Variants in RSBN1L observed in about 807,000 individuals in gnomAD.
RSBN1L encodes the protein round spermatid basic protein 1 like.
RSBN1L carries 30 observed loss-of-function variants against 67.7 expected under a neutral mutation model. The observed-to-expected ratio is 0.44, with a 90% confidence interval of 0.33 to 0.60. The LOEUF is 0.60. RSBN1L is among the 20% of genes least tolerant of loss of function. RSBN1L has a pLI of 0.02. For synonymous variants in RSBN1L, 433 were observed against 387.0 expected, an observed-to-expected ratio of 1.12 and a Z score of -1.39; for missense variants, 992 against 1,031.7, an observed-to-expected ratio of 0.96 and a Z score of 0.53.
At chr7:77,748,308 G>C (rs921264468) in intron 2 of RSBN1L, among the ~76,000 whole-genome samples, 4 of 152,168 alleles carry the variant, frequency 2.6e-5, no homozygotes, top group Non-Finnish European at 1.5e-5. Flanking sequence ...GGATGAGCTG[G>C]ATAATTCTGT....
intron 3 of RSBN1L, among the ~76,000 whole-genome samples, chr7:77,764,158 CTT>C (rs1203915411): frequency 2.0e-5 from 3 of 152,266 alleles, no homozygotes; most frequent in African/African-American, 7.2e-5. Context: ...AAATACAAGA[CTT>C]TCAGTTTTAA....
chr7:77,698,580 G>A (rs1790772021), intron 1 of RSBN1L, among the ~76,000 whole-genome samples: 1 of 152,110 alleles, frequency 6.6e-6, no homozygotes, highest in Admixed American at 6.6e-5. Context: ...CTTAAAATGT[G>A]GAGTACACAA....
At position 77,779,441 on chromosome 7, in the gene RSBN1L, A is replaced by G. The variant is rs1791965163; in HGVS notation, c.*273A>G. The stretch of plus-strand genomic sequence containing the variant: ...TAGGTTTTAGAATAGAGCTGACATT[A>G]ACATATATATATATATATAAATATA... On this transcript the variant is annotated 3_prime_UTR_variant, in exon 8 of 8. Coordinates refer to ENST00000334955, the MANE Select transcript of RSBN1L (RefSeq NM_198467.3). 9.9e-6 allele frequency: 1 copy of G among 101,278 alleles called. No individual in the cohort carries two copies. 6.3% of individuals were successfully genotyped at this position (101,278 alleles called of 1,614,324 possible).
intron 1 of RSBN1L, among the ~76,000 whole-genome samples, chr7:77,714,101 C>G (rs1791012397): frequency 6.6e-6 from 1 of 152,024 alleles, no homozygotes; most frequent in Admixed American, 6.6e-5. Context: ...TTACATTTAC[C>G]TCTGTAAGTT....
At chr7:77,757,177 T>C (rs2150428472) in intron 3 of RSBN1L, among the ~76,000 whole-genome samples, 1 of 152,368 alleles carries the variant, frequency 6.6e-6, no homozygotes, top group South Asian at 2.1e-4. Flanking sequence ...TGTAATAGTA[T>C]CTTGTAGCTT....
rs1790731699 is a variant in RSBN1L, at chr7:77,696,671, C to G, written c.202C>G (p.Gln68Glu). 2 of 1,610,952 alleles carry G rather than the reference C, an allele frequency of 1.2e-6. No homozygotes were observed. Among genetic ancestry groups the G allele is most frequent in the Non-Finnish European group, 1.7e-6 (2 of 1,178,944 alleles). ...GEGGSGGNSR[Q>E]LQPPAAPSPQ... ...AGGGGGCAGCGGCGGGAACAGCAGG[C>G]AGCTGCAGCCGCCGGCAGCACCTTC... The change falls in exon 1 of 8, where the codon CAG (glutamine) becomes GAG (glutamate). Residue 68 changes from glutamine to glutamate, a missense_variant. Coordinates refer to ENST00000334955, the MANE Select transcript of RSBN1L (RefSeq NM_198467.3).
chr7:77,774,771 CTTGCTTAGATTT>C (rs1791890593), intron 6 of RSBN1L, among the ~76,000 whole-genome samples: 1 of 152,058 alleles, frequency 6.6e-6, no homozygotes, highest in Non-Finnish European at 1.5e-5. Context: ...GATAATTTTG[CTTGCTTAGATTT>C]TTGTTTTCCA....
At chr7:77,773,397 A>T (rs1205553056) in intron 6 of RSBN1L, 83 bp downstream of exon 6, 2 of 1,004,740 alleles carry the variant, frequency 2.0e-6, no homozygotes, top group Non-Finnish European at 2.8e-6. Context: ...ATTCCTCCTT[A>T]CTGTGGGAAA....
chr7:77,726,336 T>C (rs1791202912), intron 1 of RSBN1L, among the ~76,000 whole-genome samples: 2 of 152,172 alleles, frequency 1.3e-5, no homozygotes, highest in Admixed American at 6.5e-5. Flanking sequence ...GTTAGATTCC[T>C]TTTGGCTGAG....
At chr7:77,703,974 A>T (rs2150411515) in intron 1 of RSBN1L, among the ~76,000 whole-genome samples, 1 of 152,264 alleles carries the variant, frequency 6.6e-6, no homozygotes, top group South Asian at 2.1e-4. Context: ...TTTTGAGCTG[A>T]TATACATCCG....
chr7:77,739,831 A>G, intron 2 of RSBN1L, among the ~76,000 whole-genome samples: 1 of 126,026 alleles, frequency 7.9e-6, no homozygotes, highest in African/African-American at 3.1e-5. Flanking sequence ...CTCACTGCAA[A>G]CTCTGCCTCC....
intron 1 of RSBN1L, among the ~76,000 whole-genome samples, chr7:77,730,228 C>A (rs117563547): frequency 0.018 from 2,787 of 152,096 alleles, 38 homozygotes; most frequent in Middle Eastern, 0.071. Flanking sequence ...CTTATTTATG[C>A]CTTAAAAAGT....
intron 1 of RSBN1L, 187 bp downstream of exon 1, chr7:77,697,242 C>T: frequency 1.9e-6 from 1 of 521,616 alleles, no homozygotes; most frequent in African/African-American, 2.0e-5. Context: ...CCTGTAATTT[C>T]GGTTGCAGAG....
chr7:77,750,296 G>GT (rs36054297), intron 3 of RSBN1L, among the ~76,000 whole-genome samples: 2,534 of 57,380 alleles, frequency 0.044, 231 homozygotes, highest in East Asian at 0.059. Context: ...AAGATTCTGT[G>GT]TTTTTTTTTT....
chr7:77,747,410 T>C (rs948185894), intron 2 of RSBN1L, among the ~76,000 whole-genome samples: 1 of 152,166 alleles, frequency 6.6e-6, no homozygotes, highest in Admixed American at 6.5e-5. Context: ...GACTGAGTGG[T>C]TTCCTGGGCC....
chr7:77,752,176 G>A (rs1791564174), intron 3 of RSBN1L, among the ~76,000 whole-genome samples: 1 of 152,138 alleles, frequency 6.6e-6, no homozygotes, highest in Admixed American at 6.6e-5. Context: ...ACCTCCTCTG[G>A]TTGTCACCAT....
chr7:77,707,022 ATTTTTTTTTTT>A (rs1034017450), intron 1 of RSBN1L, among the ~76,000 whole-genome samples: 2 of 137,674 alleles, frequency 1.5e-5, no homozygotes, highest in African/African-American at 5.4e-5. Context: ...ATTAAACTAG[ATTTTTTTTTTT>A]TTTTTTTTGA....
chr7:77,763,586 C>CT (rs761153240), intron 3 of RSBN1L, among the ~76,000 whole-genome samples: 2 of 152,154 alleles, frequency 1.3e-5, no homozygotes, highest in East Asian at 3.8e-4. Context: ...TAGAGTTAGG[C>CT]TTTAACTGTT....
chr7:77,751,109 G>T (rs967621003), intron 3 of RSBN1L, among the ~76,000 whole-genome samples: 1 of 151,922 alleles, frequency 6.6e-6, no homozygotes, highest in Non-Finnish European at 1.5e-5. Context: ...TATGTTTGGT[G>T]TATATTCTGT....
Sources: allele counts gnomAD v4.1 joint callset (sites outside exome capture counted in the v4.1 genomes callset), GRCh38; gene constraint gnomAD v4.1.1; transcripts MANE v1.5; gene names NCBI Gene and HGNC (gene_info 2026-07-23, HGNC 2026-07-21).